KCNK2: variants seen among roughly 807,000 people sequenced by gnomAD.
KCNK2 encodes potassium channel subfamily K member 2.
Under a neutral mutation model 40.5 loss-of-function variants are expected in KCNK2, and 21 were observed. The observed-to-expected ratio is 0.52, with a 90% CI of 0.37 to 0.75. KCNK2 has a LOEUF of 0.75. Ranked by LOEUF, KCNK2 falls within the 30% of genes least tolerant of loss-of-function variation. KCNK2 has a pLI of 0.00. For synonymous variants in KCNK2, 191 were observed against 202.2 expected (o/e 0.94, Z 0.47); for missense variants, 399 against 531.6 (o/e 0.75, Z 2.45).
chr1:215,067,474 T>C (rs1038225216), intron 1 of KCNK2, among the ~76,000 whole-genome samples: 2 of 152,092 alleles, frequency 1.3e-5, no homozygotes, highest in African/African-American at 4.8e-5. Context: ...CCCAATAATA[T>C]GTGATGATCA....
chr1:215,184,512 A>C (rs1055578743), intron 5 of KCNK2, among the ~76,000 whole-genome samples: 1 of 152,176 alleles, frequency 6.6e-6, no homozygotes, highest in Non-Finnish European at 1.5e-5. Flanking sequence ...GTAATTTATA[A>C]AGGAAAGAGG....
intron 6 of KCNK2, among the ~76,000 whole-genome samples, chr1:215,230,145 T>C (rs1418948361): frequency 1.4e-5 from 2 of 141,894 alleles, no homozygotes; most frequent in Non-Finnish European, 3.0e-5. Context: ...ATGCATTGCT[T>C]AAAGATGGAG....
chr1:215,047,179 A>T (rs1178226752), intron 1 of KCNK2, among the ~76,000 whole-genome samples: 1 of 152,142 alleles, frequency 6.6e-6, no homozygotes, highest in Non-Finnish European at 1.5e-5. Flanking sequence ...TTAACACAGA[A>T]AATGGACAGC....
chr1:215,093,361 ATATAT>A (rs896094471), intron 2 of KCNK2, among the ~76,000 whole-genome samples: 5 of 140,764 alleles, frequency 3.6e-5, no homozygotes, highest in East Asian at 2.0e-4. Context: ...TAAAATATAC[ATATAT>A]TATATATAAA....
Position 215,211,788 on chromosome 1 carries a change from A to G in KCNK2, c.963+16696A>G, listed in dbSNP as rs1320696016. ...TTTGTTTTTCATGCTTATTTTCAAT[A>G]TTAATATATCTATATCTCACTGATA... On this transcript the variant is annotated intron_variant, in intron 6 of 6. Transcript: ENST00000444842. 2.0e-5 allele frequency among the ~76,000 whole-genome samples: 3 copies of G among 152,164 alleles called. No homozygotes were observed. The South Asian group carries it at 6.2e-4, about 31-fold the overall frequency.
intron 1 of KCNK2, among the ~76,000 whole-genome samples, chr1:215,074,393 A>G (rs1036613846): frequency 1.3e-5 from 2 of 152,208 alleles, no homozygotes; most frequent in Non-Finnish European, 2.9e-5. Flanking sequence ...GGAGATTCCA[A>G]ATACATCCTC....
At position 215,150,013 on chromosome 1, in the gene KCNK2, T is replaced by C. The variant is rs147299084; in HGVS notation, c.476-19186T>C. 5.5e-3 allele frequency among the ~76,000 whole-genome samples: 841 copies of C among 152,296 alleles called. 12 individuals carry two copies. Among genetic ancestry groups the C allele is most frequent in the Non-Finnish European group, 8.1e-3 (554 of 68,022 alleles). On this transcript the variant is annotated intron_variant, in intron 3 of 6. Transcript: ENST00000444842. ...CAGGGCTATCATGATGACTAAAACA[T>C]GGCCCCTGACCTTACGGAACTTCTG...
At chr1:215,110,417 CCT>C (rs1660629770) in intron 2 of KCNK2, among the ~76,000 whole-genome samples, 2 of 151,700 alleles carry the variant, frequency 1.3e-5, no homozygotes, top group Admixed American at 1.3e-4. Context: ...GTCCAGTTTC[CCT>C]CTTTTTGGTG....
In KCNK2 at chr1:215,041,899, C is replaced by T. The variant is rs759912979; in HGVS notation, c.34+35944C>T. Among the ~76,000 whole-genome samples, 7 of 152,106 alleles carry T rather than the reference C, an allele frequency of 4.6e-5. No individual in the cohort carries two copies. The East Asian group carries it at 5.8e-4, about 13-fold the overall frequency. On this transcript the variant is annotated intron_variant, in intron 1 of 6. Coordinates refer to the KCNK2 transcript ENST00000391895. Reference sequence around the variant, plus strand: ...AATTTATAAAGAAAAAGAAGTTTAACGGGCTCACAGTTCCACATGGCCAGG... The same window carrying T: ...AATTTATAAAGAAAAAGAAGTTTAATGGGCTCACAGTTCCACATGGCCAGG...
intron 3 of KCNK2, among the ~76,000 whole-genome samples, chr1:215,158,971 T>A (rs1663069580): frequency 6.6e-6 from 1 of 152,142 alleles, no homozygotes; most frequent in South Asian, 2.1e-4. Context: ...AGTTCTAGAG[T>A]TCTATTCTTG....
At chr1:215,213,372 G>A (rs1665825128) in intron 6 of KCNK2, among the ~76,000 whole-genome samples, 1 of 152,160 alleles carries the variant, frequency 6.6e-6, no homozygotes, top group Non-Finnish European at 1.5e-5. Flanking sequence ...ACTTTGGGAG[G>A]CCAAGGTGGG....
chr1:215,032,327 G>A (rs1657230629), intron 1 of KCNK2, among the ~76,000 whole-genome samples: 1 of 151,894 alleles, frequency 6.6e-6, no homozygotes, highest in Non-Finnish European at 1.5e-5. Flanking sequence ...GAGAATCGCT[G>A]GGCTCAGTAG....
chr1:215,120,143 A>C (rs1028109175), intron 2 of KCNK2, among the ~76,000 whole-genome samples: 1 of 152,200 alleles, frequency 6.6e-6, no homozygotes, highest in Non-Finnish European at 1.5e-5. Context: ...GTTGCCAGAC[A>C]CTACTGTTTC....
intron 2 of KCNK2, among the ~76,000 whole-genome samples, chr1:215,102,991 A>G (rs1035297205): frequency 3.9e-5 from 6 of 152,006 alleles, no homozygotes; most frequent in African/African-American, 1.4e-4. Context: ...GAGGGATTAG[A>G]TCAAATACAT....
chr1:215,205,512 G>T (rs957671198), intron 6 of KCNK2, among the ~76,000 whole-genome samples: 3 of 152,084 alleles, frequency 2.0e-5, no homozygotes, highest in African/African-American at 7.2e-5. Flanking sequence ...CAAAGTGCTG[G>T]GATTACAGGC....
chr1:215,046,143 G>A (rs1657759931), intron 1 of KCNK2, among the ~76,000 whole-genome samples: 1 of 152,072 alleles, frequency 6.6e-6, no homozygotes, highest in Admixed American at 6.6e-5. Flanking sequence ...GTCATTGCCA[G>A]GAAAATAGGC....
At chr1:215,098,857 A>G (rs891257478) in intron 2 of KCNK2, among the ~76,000 whole-genome samples, 1 of 151,966 alleles carries the variant, frequency 6.6e-6, no homozygotes, top group Non-Finnish European at 1.5e-5. Flanking sequence ...TTCTCTGTAC[A>G]GAGCTGTTTT....
intron 3 of KCNK2, among the ~76,000 whole-genome samples, chr1:215,158,092 G>A (rs1663010461): frequency 6.6e-6 from 1 of 152,196 alleles, no homozygotes; most frequent in Admixed American, 6.5e-5. Context: ...CAGCTTTAGA[G>A]TTCTGTATAA....
rs140656030 is a variant in KCNK2, at chr1:215,047,037, C to T, written c.35-39331C>T. On this transcript the variant is annotated intron_variant, in intron 1 of 6. Transcript: ENST00000391895. Reference sequence around the variant, plus strand: ...TCACAACTTCTTAGAGTCTGGAAAACATTGAAAATCATTAAGAATGTGGCT... The same window carrying T: ...TCACAACTTCTTAGAGTCTGGAAAATATTGAAAATCATTAAGAATGTGGCT... Among the ~76,000 whole-genome samples the T allele has an allele frequency of 4.0e-3, 609 of 152,118 alleles. 4 individuals are homozygous for T. The highest frequency in any genetic ancestry group is 0.022 in the South Asian group (107 of 4,832).
Sources: gnomAD v4.1 joint callset for allele counts (sites outside exome capture counted in the v4.1 genomes callset) on GRCh38, gnomAD v4.1.1 for gene constraint, MANE v1.5 for transcripts, NCBI Gene and HGNC (gene_info 2026-07-23, HGNC 2026-07-21) for gene names.